NRDC: variants seen among roughly 807,000 people sequenced by gnomAD.
The protein encoded by NRDC is nardilysin.
Under a neutral mutation model 147.1 loss-of-function variants are expected in NRDC, and 54 were observed. That is an observed-to-expected ratio of 0.37 (90% CI 0.29 to 0.46). NRDC has a LOEUF of 0.46. Among genes scored for constraint, NRDC ranks in the 20% least tolerant of loss-of-function variants. The pLI is 1.00. For missense variants in NRDC, 1,082 were observed against 1,370.6 expected (o/e 0.79, Z 3.33); for synonymous variants, 440 against 482.1 (o/e 0.91, Z 1.14).
chr1:51,878,215 C>A, intron 1 of NRDC, 60 bp downstream of exon 1: 1 of 1,523,086 alleles, frequency 6.6e-7, no homozygotes, highest in Non-Finnish European at 8.9e-7. Context: ...GAAGTGACGG[C>A]GGCACCGACA....
chr1:51,862,751 C>T (rs1682603487), intron 1 of NRDC, among the ~76,000 whole-genome samples: 1 of 151,920 alleles, frequency 6.6e-6, no homozygotes, highest in Non-Finnish European at 1.5e-5. Flanking sequence ...AGCAGTGGCT[C>T]ATGCCTGTAA....
At chr1:51,865,211 A>G (rs1023429366) in intron 1 of NRDC, among the ~76,000 whole-genome samples, 2 of 152,066 alleles carry the variant, frequency 1.3e-5, no homozygotes, top group African/African-American at 4.8e-5. Context: ...AAAGCAGGCA[A>G]TTTATAAAAG....
At chr1:51,837,956 A>C (rs1265893109) in intron 2 of NRDC, among the ~76,000 whole-genome samples, 1 of 152,226 alleles carries the variant, frequency 6.6e-6, no homozygotes, top group Non-Finnish European at 1.5e-5. Flanking sequence ...TTTTTCAAAT[A>C]AAACTTAGAT....
chr1:51,823,469 T>G (rs575080586), intron 7 of NRDC, among the ~76,000 whole-genome samples, 195 bp downstream of exon 7: 1 of 152,206 alleles, frequency 6.6e-6, no homozygotes, highest in Non-Finnish European at 1.5e-5. Flanking sequence ...AAAATTTGCC[T>G]GAGAATCTCA....
intron 20 of NRDC, 185 bp from the exon 21 acceptor site, chr1:51,800,868 A>G (rs1679161635): frequency 8.6e-6 from 5 of 581,722 alleles, no homozygotes; most frequent in Non-Finnish European, 1.5e-5. Context: ...TGGAGACAGG[A>G]TATCACTGGT....
At chr1:51,854,603 C>A (rs1403794085) in intron 1 of NRDC, among the ~76,000 whole-genome samples, 1 of 152,118 alleles carries the variant, frequency 6.6e-6, no homozygotes. Flanking sequence ...AAATGTGCAA[C>A]TTGATAAACA....
At chr1:51,863,254 T>C (rs1246705888) in intron 1 of NRDC, among the ~76,000 whole-genome samples, 2 of 151,596 alleles carry the variant, frequency 1.3e-5, no homozygotes, top group East Asian at 3.9e-4. Flanking sequence ...ATACAAAAAT[T>C]AGCTGGGCAT....
intron 1 of NRDC, among the ~76,000 whole-genome samples, chr1:51,871,587 A>G (rs958849538): frequency 7.1e-6 from 1 of 140,430 alleles, no homozygotes; most frequent in African/African-American, 2.6e-5. Context: ...TTCAATTTCA[A>G]TTGTTTATAG....
chr1:51,873,375 T>TC (rs1370264897), intron 1 of NRDC, among the ~76,000 whole-genome samples: 2 of 152,136 alleles, frequency 1.3e-5, no homozygotes, highest in Non-Finnish European at 2.9e-5. Flanking sequence ...ATTGTGATCC[T>TC]CCTCCTGTTC....
intron 20 of NRDC, among the ~76,000 whole-genome samples, chr1:51,801,776 T>C (rs968997477): frequency 5.3e-5 from 8 of 152,058 alleles, no homozygotes; most frequent in Non-Finnish European, 1.0e-4. Context: ...CTGATAGTTC[T>C]TTACTTGAGG....
rs767126237 is a variant in NRDC, at chr1:51,814,813, T to A, written c.1440A>T (p.Lys480Asn). The A allele has an allele frequency of 6.3e-7, 1 of 1,575,300 alleles. No individual in the cohort carries two copies. Among genetic ancestry groups the A allele is most frequent in the South Asian group, 1.2e-5 (1 of 83,904 alleles). Residue 480 changes from lysine (K) to asparagine (N), a missense_variant and splice_region_variant, in exon 12 of 31, where the codon AAA (lysine) becomes AAT (asparagine). Physicochemically the swap from Lys to Asn is moderately conservative, Grantham distance 94. Around this residue, in one of 3 missense-constraint regions of NRDC, gnomAD observed 635 missense variants for 923.8 expected, o/e 0.69. Transcript: ENST00000352171. Reference protein sequence around the residue: ...KGSILSFLRKKCWALALFGGN... With the variant: ...KGSILSFLRKNCWALALFGGN... ...CACCAAACAGTGCAAGAGCCCAGCA[T>A]CTACAGGTGGGGAAAAAATTAACCC... is the stretch of plus-strand genomic sequence containing the variant.
rs916132615 is a variant in NRDC at position 51,852,594 on chromosome 1, A to G, written c.342-12080T>C. Among the ~76,000 whole-genome samples, 3 of 23,486 alleles carry G rather than the reference A, an allele frequency of 1.3e-4. No homozygotes were observed. In the African/African-American group the frequency reaches 1.7e-3, roughly 14 times the overall value. 15.4% of individuals were successfully genotyped at this position (23,486 alleles called of 152,430 possible). On this transcript the variant is annotated intron_variant, in intron 1 of 30. Coordinates refer to ENST00000352171, the MANE Select transcript of NRDC (RefSeq NM_001101662.2). ...TTTATAGTTTTTTTAATAGTTTTAT[A>G]TATAGTTTTTTATAGTTTTTTATGT...
chr1:51,873,564 G>A (rs936943353), intron 1 of NRDC, among the ~76,000 whole-genome samples: 1 of 151,542 alleles, frequency 6.6e-6, no homozygotes, highest in African/African-American at 2.4e-5. Flanking sequence ...AGGCTGGAAT[G>A]CAGTAGCACA....
chr1:51,789,925 C>T, intron 29 of NRDC: 1 of 445,884 alleles, frequency 2.2e-6, no homozygotes, highest in Non-Finnish European at 4.1e-6. Context: ...GCCCAACACC[C>T]ACATCCCCTT....
At chr1:51,818,015 A>G in intron 10 of NRDC, 51 bp downstream of exon 10, 5 of 1,386,774 alleles carry the variant, frequency 3.6e-6, no homozygotes, top group Non-Finnish European at 5.1e-6. Flanking sequence ...CATGCTTTAA[A>G]AATTACTCTC....
chr1:51,820,494 G>C (rs2149207997), intron 8 of NRDC, among the ~76,000 whole-genome samples: 1 of 152,112 alleles, frequency 6.6e-6, no homozygotes, highest in Admixed American at 6.5e-5. Flanking sequence ...AGAACCTAAT[G>C]AATTCCTCTA....
At chr1:51,819,754 T>C in intron 9 of NRDC, 46 bp downstream of exon 9, 3 of 1,438,230 alleles carry the variant, frequency 2.1e-6, no homozygotes, top group Non-Finnish European at 2.9e-6. Context: ...TTATAGAGAA[T>C]GTGCTAACAT....
chr1:51,853,317 C>G (rs1040752893), intron 1 of NRDC, among the ~76,000 whole-genome samples: 2 of 152,044 alleles, frequency 1.3e-5, no homozygotes, highest in Admixed American at 1.3e-4. Context: ...TAATGAGACT[C>G]TGCCTCTATA....
chr1:51,844,235 C>T (rs78701709), intron 1 of NRDC, among the ~76,000 whole-genome samples: 2 of 151,990 alleles, frequency 1.3e-5, no homozygotes, highest in Non-Finnish European at 2.9e-5. Flanking sequence ...GAAATGTGTT[C>T]CCCCCAAAAT....
Sources: allele counts gnomAD v4.1 joint callset (sites outside exome capture counted in the v4.1 genomes callset), GRCh38; gene constraint gnomAD v4.1.1; regional missense constraint gnomAD v4.1.1; transcripts MANE v1.5; gene names NCBI Gene and HGNC (gene_info 2026-07-23, HGNC 2026-07-21).